The following CHD6 variants were observed in gnomAD, a reference collection of about 807,000 sequenced individuals.
The protein encoded by CHD6 is ATP-dependent chromatin remodeler CHD6.
CHD6 carries 50 observed loss-of-function variants against 276.9 expected under a neutral mutation model. The ratio of observed to expected loss-of-function variants is 0.18; its 90% CI spans 0.14 to 0.23. CHD6 has a LOEUF of 0.23. CHD6 is among the 10% of genes least tolerant of loss of function. CHD6 has a pLI of 1.00. For missense variants in CHD6, 2,564 were observed against 3,365.8 expected, an observed-to-expected ratio of 0.76 and a Z score of 5.89; for synonymous variants, 1,173 against 1,229.3, an observed-to-expected ratio of 0.95 and a Z score of 0.96.
chr20:41,414,652 T>C, intron 34 of CHD6: 1 of 218,040 alleles, frequency 4.6e-6, no homozygotes, highest in African/African-American at 2.3e-5. Context: ...TGGAACAAAC[T>C]GTCTTAGCAT....
chr20:41,430,854 A>ATTTTTTTTTTTTT (rs61590579), intron 27 of CHD6, among the ~76,000 whole-genome samples: 1 of 127,606 alleles, frequency 7.8e-6, no homozygotes. Context: ...CAGAACATGA[A>ATTTTTTTTTTTTT]TTTTTTTTTT....
chr20:41,431,354 A>T (rs1319036743), intron 27 of CHD6, among the ~76,000 whole-genome samples: 1 of 152,224 alleles, frequency 6.6e-6, no homozygotes, highest in Admixed American at 6.5e-5. Flanking sequence ...AATAAATACC[A>T]TACATTCTGC....
intron 36 of CHD6, among the ~76,000 whole-genome samples, chr20:41,407,240 G>C (rs2046706010): frequency 6.6e-6 from 1 of 152,160 alleles, no homozygotes; most frequent in Non-Finnish European, 1.5e-5. Context: ...AGAGTGGGGG[G>C]TGGGGATGTG....
At chr20:41,585,806 A>G (rs2045588379) in intron 1 of CHD6, among the ~76,000 whole-genome samples, 1 of 152,226 alleles carries the variant, frequency 6.6e-6, no homozygotes, top group African/African-American at 2.4e-5. Context: ...AACAAGTGAC[A>G]TTAAACTCCT....
chr20:41,590,700 A>T (rs1250445902), intron 1 of CHD6, among the ~76,000 whole-genome samples: 7 of 152,314 alleles, frequency 4.6e-5, no homozygotes, highest in African/African-American at 1.2e-4. Flanking sequence ...CATTAAAAAG[A>T]CAGGAAATAA....
In CHD6 at chr20:41,458,300, A is replaced by G. The variant is rs143610907; in HGVS notation, c.2665-872T>C. Among the ~76,000 whole-genome samples the G allele has an allele frequency of 4.0e-4, 61 of 152,378 alleles. No individual in the cohort carries two copies. In the Middle Eastern group the frequency reaches 0.01, roughly 25 times the overall value. ...TTATTTAATCAGTTTCCAAAATAACATCCCAAAAAGTGACCAATGAAATTT... is the reference window on the plus strand; with the variant it reads ...TTATTTAATCAGTTTCCAAAATAACGTCCCAAAAAGTGACCAATGAAATTT... On this transcript the variant is annotated intron_variant, in intron 17 of 36. Coordinates refer to ENST00000373233, the MANE Select transcript of CHD6 (RefSeq NM_032221.5).
intron 1 of CHD6, among the ~76,000 whole-genome samples, chr20:41,563,459 C>T (rs1176106117): frequency 1.3e-5 from 2 of 152,092 alleles, no homozygotes; most frequent in Non-Finnish European, 2.9e-5. Flanking sequence ...TCAAACAATG[C>T]CACATTCGCA....
At chr20:41,564,794 G>A (rs551903630) in intron 1 of CHD6, among the ~76,000 whole-genome samples, 13 of 152,358 alleles carry the variant, frequency 8.5e-5, no homozygotes, top group African/African-American at 2.6e-4. Flanking sequence ...AGAGGAATCA[G>A]CAAAGGCAGG....
At chr20:41,468,724 G>C (rs1450237517) in intron 17 of CHD6, among the ~76,000 whole-genome samples, 1 of 152,120 alleles carries the variant, frequency 6.6e-6, no homozygotes, top group Admixed American at 6.5e-5. Context: ...TCAAGAAACA[G>C]GGGATGTAGG....
intron 27 of CHD6, among the ~76,000 whole-genome samples, chr20:41,433,130 C>CAA (rs1033321969): frequency 6.7e-6 from 1 of 150,172 alleles, no homozygotes; most frequent in African/African-American, 2.4e-5. Flanking sequence ...GTCTATAACA[C>CAA]AAGATCTAAT....
chr20:41,618,347 G>A lies in CHD6; in HGVS notation c.-31C>T, dbSNP rs937110764. 6.6e-6 allele frequency: 1 copy of A among 152,100 alleles called. No individual in the cohort carries two copies. The highest frequency in any genetic ancestry group is 2.4e-5 in the African/African-American group (1 of 41,430). 9.4% of individuals were successfully genotyped at this position (152,100 alleles called of 1,614,324 possible). ...GTTAAGAGAAGAACTTACCTAAAAT[G>A]GCTCCTGCAGCAGCCAAAATACAAA... is the stretch of plus-strand genomic sequence containing the variant. On this transcript the variant is annotated 5_prime_UTR_variant, in exon 1 of 37. Transcript: ENST00000373233.
At chr20:41,497,617 T>C (rs2043719320) in intron 7 of CHD6, 116 bp from the exon 8 acceptor site, 2 of 775,968 alleles carry the variant, frequency 2.6e-6, no homozygotes, top group Admixed American at 3.6e-5. Context: ...TGGTTTATTG[T>C]GAAACTGCTG....
rs61227802 is a variant in CHD6, at chr20:41,431,776, C to CTTTTTTT, written c.4068+5491_4068+5497dup. Among the ~76,000 whole-genome samples, 144 of 104,742 alleles carry CTTTTTTT rather than the reference C, an allele frequency of 1.4e-3. 8 individuals carry two copies. The highest frequency in any genetic ancestry group is 5.2e-3 in the African/African-American group (138 of 26,756). 68.7% of individuals were successfully genotyped at this position (104,742 alleles called of 152,430 possible). On this transcript the variant is annotated intron_variant, in intron 27 of 36. Coordinates refer to ENST00000373233, the MANE Select transcript of CHD6 (RefSeq NM_032221.5). ...AGGAATGACATGATGAAAAAACATGCTTTTTTTTTTTTTTTGCTTCATATA... is the reference window on the plus strand; with the variant it reads ...AGGAATGACATGATGAAAAAACATGCTTTTTTTTTTTTTTTTTTTTTTGCTTCATATA...
chr20:41,544,163 C>G (rs958991117), intron 2 of CHD6, among the ~76,000 whole-genome samples: 2 of 152,094 alleles, frequency 1.3e-5, no homozygotes, highest in Non-Finnish European at 2.9e-5. Context: ...TTGCTTGAAC[C>G]CGGGAGGTGG....
Position 41,451,843 on chromosome 20 carries a change from G to C in CHD6, c.3506C>G (p.Thr1169Ser). ...CCTCTCACCTGAGTGGTTCTGGAGG[G>C]TCTGGGCTTGCCCATCTTTGGTAGG... The part of the protein sequence containing the change: ...ITPTKDGQAQ[T>S]LQNHSGLSAP... The change falls in exon 22 of 37, where the codon ACC becomes AGC. Residue 1169 changes from threonine to serine, a missense_variant. Transcript: ENST00000373233. 6.2e-7 allele frequency: 1 copy of C among 1,614,170 alleles called. No individual in the cohort carries two copies. The highest frequency in any genetic ancestry group is 8.5e-7 in the Non-Finnish European group (1 of 1,180,008).
Position 41,491,638 on chromosome 20 carries a change from C to T in CHD6, c.1436+60G>A, listed in dbSNP as rs1295807104. On this transcript the variant is annotated intron_variant, in intron 11 of 36. Coordinates refer to ENST00000373233, the MANE Select transcript of CHD6 (RefSeq NM_032221.5). ...TCTGCTACTGCGACTCTAGGTGTTC[C>T]AGGCTAAGGCAATAATATACCTCTG... 15 of 1,606,710 alleles carry T rather than the reference C, an allele frequency of 9.3e-6. No homozygotes were observed. In the East Asian group the frequency reaches 2.9e-4, roughly 31 times the overall value.
intron 1 of CHD6, among the ~76,000 whole-genome samples, chr20:41,581,122 C>T (rs927349389): frequency 6.6e-6 from 1 of 152,156 alleles, no homozygotes; most frequent in South Asian, 2.1e-4. Context: ...GTCTAATATT[C>T]ACTGTTAATA....
At chr20:41,453,997 T>C (rs1043659973) in intron 20 of CHD6, among the ~76,000 whole-genome samples, 2 of 152,108 alleles carry the variant, frequency 1.3e-5, no homozygotes, top group African/African-American at 4.8e-5. Context: ...GGGTCAGAGA[T>C]GAAGGACGGG....
chr20:41,413,463 C>T lies in CHD6; in HGVS notation c.6992G>A (p.Gly2331Glu), dbSNP rs2046903298. 2 of 1,608,738 alleles carry T rather than the reference C, an allele frequency of 1.2e-6. No individual in the cohort carries two copies. The highest frequency in any genetic ancestry group is 1.1e-5 in the South Asian group (1 of 90,398). ...QATLSTTHPE[G>E]PGPATSAPEP... is the part of the protein sequence containing the mutation. ...AGGAGCCGAGGTGGCAGGCCCTGGC[C>T]CCTCAGGGTGTGTGGTGCTCAAGGT... Residue 2331 changes from glycine to glutamate, a missense_variant, in exon 35 of 37, where the codon GGG (glycine) becomes GAG (glutamate). Gly to Glu is a moderately conservative substitution (Grantham distance 98). Around this residue, in one of 7 missense-constraint regions of CHD6, gnomAD observed 1,024 missense variants for 1,047.9 expected, o/e 0.98. Transcript: ENST00000373233.
Sources: gnomAD v4.1 joint callset for allele counts (sites outside exome capture counted in the v4.1 genomes callset) on GRCh38, gnomAD v4.1.1 for gene constraint, gnomAD v4.1.1 regional missense constraint, MANE v1.5 for transcripts, NCBI Gene and HGNC (gene_info 2026-07-23, HGNC 2026-07-21) for gene names.